Variants in MRPL58 observed in about 807,000 individuals in gnomAD.
MRPL58 encodes the protein large ribosomal subunit protein mL62.
In MRPL58, 17 loss-of-function variants were observed where a neutral mutation model predicts 26.0. The observed-to-expected ratio is 0.65, with a 90% CI of 0.45 to 0.98. The LOEUF (loss-of-function observed/expected upper bound fraction) is 0.98. Ranked by LOEUF, MRPL58 falls within the 50% of genes least tolerant of loss-of-function variation. The probability of loss-of-function intolerance (pLI) is 0.00; values close to 1 mark genes in which losing one functional copy is unlikely to be tolerated. For missense variants in MRPL58, 250 were observed against 269.0 expected (o/e 0.93, Z 0.49); for synonymous variants, 100 against 99.7 (o/e 1.00, Z -0.02).
At chr17:75,019,626 C>T (rs2040000025) in intron 2 of MRPL58, 74 bp from the exon 3 acceptor site, 10 of 1,425,814 alleles carry the variant, frequency 7.0e-6, no homozygotes, top group Admixed American at 1.8e-5. Flanking sequence ...CCCTACATTC[C>T]TCAGACACAA....
At chr17:75,013,183 G>C (rs9897273) in intron 1 of MRPL58, among the ~76,000 whole-genome samples, 8,426 of 152,302 alleles carry the variant, frequency 0.055, 594 homozygotes, top group African/African-American at 0.17. Flanking sequence ...GGCCCTCCAA[G>C]GCGGACAATA....
intron 2 of MRPL58, among the ~76,000 whole-genome samples, chr17:75,018,033 C>A (rs1296538657): frequency 1.3e-5 from 2 of 152,086 alleles, no homozygotes; most frequent in African/African-American, 4.8e-5. Context: ...GAAGTAGAAT[C>A]TTTGCAGCAT....
rs761242159 is a variant in MRPL58 at position 75,019,772 on chromosome 17, T to G, written c.283+13T>G. On this transcript the variant is annotated intron_variant, in intron 3 of 5. Coordinates refer to ENST00000301585, the MANE Select transcript of MRPL58 (RefSeq NM_001545.3). ...AATGTGAACAAAGGTACGGGGTGCCTTGTTGCTTTCTTTTGCTTTAAAATG... is the reference window on the plus strand; with the variant it reads ...AATGTGAACAAAGGTACGGGGTGCCGTGTTGCTTTCTTTTGCTTTAAAATG... The G allele has an allele frequency of 2.0e-5, 31 of 1,585,144 alleles. No homozygotes were observed. The highest frequency in any genetic ancestry group is 2.7e-5 in the Non-Finnish European group (31 of 1,160,082).
At chr17:75,013,120 G>T (rs2144879609) in intron 1 of MRPL58, among the ~76,000 whole-genome samples, 1 of 152,338 alleles carries the variant, frequency 6.6e-6, no homozygotes, top group East Asian at 1.9e-4. Context: ...CTACGTTCGT[G>T]TCCTTGGCCC....
chr17:75,019,649 T>C, intron 2 of MRPL58, 51 bp from the exon 3 acceptor site: 1 of 1,545,214 alleles, frequency 6.5e-7, no homozygotes, highest in Non-Finnish European at 8.9e-7. Flanking sequence ...AGACTGCTTT[T>C]CATGCCATGA....
chr17:75,018,105 G>A (rs1002119254), intron 2 of MRPL58, among the ~76,000 whole-genome samples: 4 of 152,204 alleles, frequency 2.6e-5, no homozygotes, highest in Non-Finnish European at 4.4e-5. Context: ...CGTGTGCCAC[G>A]TGAGTGTAGA....
At position 75,017,101 on chromosome 17, in the gene MRPL58, T is replaced by C. The variant is rs2039979750; in HGVS notation, c.210T>C (p.Ser70=). The C allele has an allele frequency of 6.2e-7, 1 of 1,612,802 alleles. No homozygotes were observed. Among genetic ancestry groups the C allele is most frequent in the African/African-American group, 1.3e-5 (1 of 75,040 alleles). The change falls in exon 2 of 6, where the codon AGT becomes AGC. Residue 70 remains serine (S), a synonymous_variant. Transcript: ENST00000301585. The stretch of plus-strand genomic sequence containing the variant: ...AGAATGGTGCAAAGCAAGCCGACAG[T>C]GACATCCCTCTAGGTAAGTAATTTT... The part of the protein sequence containing the change: ...RVPNGAKQAD[S]DIPLDRLTIS...
intron 1 of MRPL58, among the ~76,000 whole-genome samples, chr17:75,015,074 G>A (rs1226590252): frequency 6.6e-6 from 1 of 152,188 alleles, no homozygotes; most frequent in Non-Finnish European, 1.5e-5. Context: ...CCTCTGAGGC[G>A]GCTTAAGGTT....
chr17:75,020,958 A>G lies in MRPL58; in HGVS notation c.574A>G (p.Arg192Gly), dbSNP rs1171210665. Reference sequence around the variant, plus strand: ...GAATCGGGAAAGGCTGAGACAAAAGAGAATTCATTCTGCTGTAAAGACAAG... The same window carrying G: ...GAATCGGGAAAGGCTGAGACAAAAGGGAATTCATTCTGCTGTAAAGACAAG... ...NMNRERLRQK[R>G]IHSAVKTSRR... The change falls in exon 6 of 6, where the codon AGA becomes GGA. Residue 192 changes from arginine (R) to glycine (G), a missense_variant. By Grantham distance (125) the Arg-to-Gly change is moderately radical. Coordinates refer to ENST00000301585, the MANE Select transcript of MRPL58 (RefSeq NM_001545.3). The G allele has an allele frequency of 3.1e-6, 5 of 1,613,974 alleles. No individual in the cohort carries two copies. In the African/African-American group the frequency reaches 4.0e-5, roughly 13 times the overall value.
chr17:75,020,380 G>A lies in MRPL58; in HGVS notation c.351G>A (p.Gln117=). ...AGTGGATCGCGGAGCCCGTGCGGCA[G>A]AAGATAGCCATCACGGTAACCACCA... ...TAEWIAEPVR[Q]KIAITHKNKI... The change falls in exon 4 of 6, where the codon CAG becomes CAA. Residue 117 remains glutamine, a synonymous_variant. Coordinates refer to ENST00000301585, the MANE Select transcript of MRPL58 (RefSeq NM_001545.3). 1 of 1,614,152 alleles carries A rather than the reference G, an allele frequency of 6.2e-7. No individual in the cohort carries two copies. The highest frequency in any genetic ancestry group is 8.5e-7 in the Non-Finnish European group (1 of 1,180,004).
intron 1 of MRPL58, among the ~76,000 whole-genome samples, chr17:75,016,722 G>A (rs1460431059): frequency 1.3e-5 from 2 of 152,218 alleles, no homozygotes; most frequent in Admixed American, 1.3e-4. Flanking sequence ...GGCCCACCAG[G>A]CTTGTTGCTC....
At chr17:75,018,249 T>C (rs1228066420) in intron 2 of MRPL58, among the ~76,000 whole-genome samples, 1 of 152,046 alleles carries the variant, frequency 6.6e-6, no homozygotes, top group Admixed American at 6.6e-5. Flanking sequence ...TTTTTTTCTT[T>C]GAGATGGAGT....
Position 75,012,726 on chromosome 17 carries a change from G to A in MRPL58, c.40G>A (p.Ala14Thr). The A allele has an allele frequency of 6.3e-7, 1 of 1,578,492 alleles. No homozygotes were observed. Among genetic ancestry groups the A allele is most frequent in the Non-Finnish European group, 8.6e-7 (1 of 1,164,462 alleles). Residue 14 changes from alanine to threonine, a missense_variant, in exon 1 of 6, where the codon GCC (alanine) becomes ACC (threonine). Physicochemically the swap from Ala to Thr is moderately conservative, Grantham distance 58. Transcript: ENST00000301585. ...TRCLRWGLSR[A>T]GVWLLPPPAR... ...GTGCCTGCGCTGGGGCCTGAGCCGA[G>A]CCGGAGTCTGGCTGCTCCCACCGCC...
intron 5 of MRPL58, 120 bp from the exon 6 acceptor site, chr17:75,020,801 C>T: frequency 1.6e-6 from 2 of 1,218,176 alleles, no homozygotes; most frequent in Non-Finnish European, 2.4e-6. Flanking sequence ...GGACCGAGGC[C>T]TGCGGGCTAG....
intron 1 of MRPL58, among the ~76,000 whole-genome samples, chr17:75,013,086 C>G (rs2039945493): frequency 6.6e-6 from 1 of 152,208 alleles, no homozygotes; most frequent in Admixed American, 6.5e-5. Flanking sequence ...GCTGGGTATG[C>G]TTCTTTCAAG....
At position 75,012,713 on chromosome 17, in the gene MRPL58, G is replaced by C. The variant is rs1041691905; in HGVS notation, c.27G>C (p.Trp9Cys). The C allele has an allele frequency of 2.6e-6, 4 of 1,567,690 alleles. No individual in the cohort carries two copies. The highest frequency in any genetic ancestry group is 3.4e-6 in the Non-Finnish European group (4 of 1,159,558). Residue 9 changes from tryptophan (W) to cysteine (C), a missense_variant, in exon 1 of 6, where the codon TGG (tryptophan) becomes TGC (cysteine). Transcript: ENST00000301585. Reference sequence around the variant, plus strand: ...TGGCGGCCACCAGGTGCCTGCGCTGGGGCCTGAGCCGAGCCGGAGTCTGGC... The same window carrying C: ...TGGCGGCCACCAGGTGCCTGCGCTGCGGCCTGAGCCGAGCCGGAGTCTGGC... MAATRCLR[W>C]GLSRAGVWLL... is the part of the protein sequence containing the mutation.
chr17:75,014,436 C>G (rs1389545476), intron 1 of MRPL58, among the ~76,000 whole-genome samples: 1 of 140,488 alleles, frequency 7.1e-6, no homozygotes, highest in Non-Finnish European at 1.5e-5. Context: ...AGCCACCGCG[C>G]CAGGCTTTTT....
chr17:75,018,145 T>C (rs1303722950), intron 2 of MRPL58, among the ~76,000 whole-genome samples: 2 of 152,180 alleles, frequency 1.3e-5, no homozygotes, highest in African/African-American at 4.8e-5. Context: ...CGTGGAGCAC[T>C]CTTTACAATA....
At chr17:75,019,603 A>G (rs2039999825) in intron 2 of MRPL58, 97 bp from the exon 3 acceptor site, 3 of 1,202,844 alleles carry the variant, frequency 2.5e-6, no homozygotes, top group Admixed American at 2.1e-5. Flanking sequence ...AAATTTTCCC[A>G]ATATAATACC....
Sources: gnomAD v4.1 joint callset for allele counts (sites outside exome capture counted in the v4.1 genomes callset) on GRCh38, gnomAD v4.1.1 for gene constraint, MANE v1.5 for transcripts, NCBI Gene and HGNC (gene_info 2026-07-23, HGNC 2026-07-21) for gene names.